CSMD1: variants seen among roughly 807,000 people sequenced by gnomAD.
CSMD1 encodes CUB and Sushi multiple domains 1, also known as CUB and sushi domain-containing protein 1.
In CSMD1, 213 loss-of-function variants were observed where a neutral mutation model predicts 417.5. The ratio of observed to expected loss-of-function variants is 0.51; its 90% CI spans 0.46 to 0.57. The LOEUF (loss-of-function observed/expected upper bound fraction) is 0.57. Ranked by LOEUF, CSMD1 falls within the 20% of genes least tolerant of loss-of-function variation. The pLI is 0.00. For missense variants in CSMD1, 6,923 were observed against 4,529.7 expected, an observed-to-expected ratio of 1.53 and a Z score of -15.17; for synonymous variants, 2,862 against 1,736.8, an observed-to-expected ratio of 1.65 and a Z score of -16.11.
At chr8:3,726,441 G>C (rs151182012) in intron 6 of CSMD1, among the ~76,000 whole-genome samples, 31 of 152,326 alleles carry the variant, frequency 2.0e-4, no homozygotes, top group African/African-American at 5.8e-4. Flanking sequence ...GACAAGGACA[G>C]GGGTCAGCAG....
intron 1 of CSMD1, among the ~76,000 whole-genome samples, chr8:4,826,665 G>C (rs1444000919): frequency 6.6e-6 from 1 of 152,086 alleles, no homozygotes; most frequent in Non-Finnish European, 1.5e-5. Context: ...CTCATGTGTA[G>C]CTTTCCTTCC....
At chr8:3,456,351 A>T (rs1485524852) in intron 12 of CSMD1, among the ~76,000 whole-genome samples, 4 of 150,632 alleles carry the variant, frequency 2.7e-5, no homozygotes, top group Admixed American at 6.6e-5. Context: ...GAGGTACCTC[A>T]GTTAGAAATG....
chr8:3,619,761 A>G (rs900232), intron 7 of CSMD1, among the ~76,000 whole-genome samples: 78,547 of 151,868 alleles, frequency 0.52, 20,181 homozygotes, highest in Middle Eastern at 0.62. Flanking sequence ...AGGTTTCTCC[A>G]TAGACATTTC....
chr8:3,856,354 C>G (rs1056993110), intron 5 of CSMD1, among the ~76,000 whole-genome samples: 4 of 152,140 alleles, frequency 2.6e-5, no homozygotes, highest in African/African-American at 9.7e-5. Flanking sequence ...TCCTGTACAG[C>G]CCGCAGAACC....
intron 11 of CSMD1, among the ~76,000 whole-genome samples, chr8:3,482,345 T>A (rs1273066259): frequency 6.6e-6 from 1 of 152,024 alleles, no homozygotes; most frequent in Non-Finnish European, 1.5e-5. Context: ...ACCATGTAAA[T>A]ATTAATAATA....
intron 41 of CSMD1, among the ~76,000 whole-genome samples, chr8:3,139,773 C>T (rs554931380): frequency 6.6e-6 from 1 of 152,124 alleles, no homozygotes; most frequent in African/African-American, 2.4e-5. Flanking sequence ...GGGAAAATTT[C>T]ATGGATAGTA....
At chr8:3,143,696 AGTATAAAAG>A (rs1818654853) in intron 40 of CSMD1, among the ~76,000 whole-genome samples, 1 of 152,234 alleles carries the variant, frequency 6.6e-6, no homozygotes, top group African/African-American at 2.4e-5. Flanking sequence ...GTGTTATTCC[AGTATAAAAG>A]AAAGCTTTAC....
Position 3,157,800 on chromosome 8 carries a change from A to G in CSMD1, c.5914+97T>C. ...GTATATAACACGTGTTTTGAAATTA[A>G]GAAATTTAGAAGTGCATTCTTTGAC... On this transcript the variant is annotated intron_variant, in intron 39 of 69. Transcript: ENST00000635120. 4 of 993,832 alleles carry G rather than the reference A, an allele frequency of 4.0e-6. No individual in the cohort carries two copies. In the South Asian group the frequency reaches 5.7e-5, roughly 14 times the overall value. 61.6% of individuals were successfully genotyped at this position (993,832 alleles called of 1,614,324 possible).
chr8:4,434,428 A>G (rs910026960), intron 2 of CSMD1, among the ~76,000 whole-genome samples: 1 of 152,054 alleles, frequency 6.6e-6, no homozygotes, highest in Non-Finnish European at 1.5e-5. Context: ...CACTTTTTGA[A>G]CTCAGCCCTT....
At chr8:3,240,628 G>C (rs113189886) in intron 26 of CSMD1, among the ~76,000 whole-genome samples, 1 of 152,016 alleles carries the variant, frequency 6.6e-6, no homozygotes, top group Non-Finnish European at 1.5e-5. Flanking sequence ...ATGGGTGTCA[G>C]GGTCAGTCCA....
intron 2 of CSMD1, among the ~76,000 whole-genome samples, chr8:4,438,941 C>G (rs1267331881): frequency 6.6e-6 from 1 of 152,138 alleles, no homozygotes; most frequent in Non-Finnish European, 1.5e-5. Context: ...TGTAGGATTC[C>G]GTAAATGAAT....
intron 3 of CSMD1, among the ~76,000 whole-genome samples, chr8:4,334,153 G>A (rs553040494): frequency 6.6e-6 from 1 of 152,066 alleles, no homozygotes; most frequent in East Asian, 1.9e-4. Flanking sequence ...GATATCCTCT[G>A]GCCTCAGCTT....
Position 2,987,932 on chromosome 8 carries a change from G to A in CSMD1, c.8378-9132C>T, listed in dbSNP as rs148238513. ...CTGCCATACATGTGCAGGATGTGCA[G>A]GTTTGTTCCATAGGTAAATGTGTAC... is the stretch of plus-strand genomic sequence containing the variant. On this transcript the variant is annotated intron_variant, in intron 54 of 69. Transcript: ENST00000635120. Among the ~76,000 whole-genome samples, 706 of 152,264 alleles carry A rather than the reference G, an allele frequency of 4.6e-3. 5 individuals are homozygous for A. The highest frequency in any genetic ancestry group is 0.016 in the African/African-American group (670 of 41,532).
At chr8:4,299,068 A>C (rs76887839) in intron 3 of CSMD1, among the ~76,000 whole-genome samples, 2,759 of 152,208 alleles carry the variant, frequency 0.018, 40 homozygotes, top group Non-Finnish European at 0.028. Context: ...TGTTAATCCT[A>C]TTTCTTACTT....
At chr8:3,677,755 C>A (rs183615664) in intron 7 of CSMD1, among the ~76,000 whole-genome samples, 2 of 152,100 alleles carry the variant, frequency 1.3e-5, no homozygotes, top group Admixed American at 1.3e-4. Context: ...CTTTGTAAAA[C>A]GGAAATGAAA....
intron 7 of CSMD1, among the ~76,000 whole-genome samples, chr8:3,622,638 T>G (rs1434558536): frequency 6.6e-6 from 1 of 152,190 alleles, no homozygotes; most frequent in South Asian, 2.1e-4. Context: ...TTGCAGATGG[T>G]AGAAGATAAC....
At chr8:3,153,703 G>A (rs1423621278) in intron 39 of CSMD1, among the ~76,000 whole-genome samples, 1 of 152,194 alleles carries the variant, frequency 6.6e-6, no homozygotes, top group African/African-American at 2.4e-5. Flanking sequence ...AGGAGGGGCT[G>A]GCCCAGGACC....
chr8:4,516,420 C>T (rs1803126965), intron 2 of CSMD1, among the ~76,000 whole-genome samples: 1 of 152,194 alleles, frequency 6.6e-6, no homozygotes, highest in Non-Finnish European at 1.5e-5. Flanking sequence ...CTGCTGGTGT[C>T]CATGGAAGGC....
chr8:4,423,283 G>C (rs1014374106), intron 2 of CSMD1, among the ~76,000 whole-genome samples: 2 of 152,056 alleles, frequency 1.3e-5, no homozygotes, highest in African/African-American at 4.8e-5. Context: ...ACTATTTGAA[G>C]TTGGCATGAT....
Sources: gnomAD v4.1 joint callset for allele counts (sites outside exome capture counted in the v4.1 genomes callset) on GRCh38, gnomAD v4.1.1 for gene constraint, MANE v1.5 for transcripts, NCBI Gene and HGNC (gene_info 2026-07-23, HGNC 2026-07-21) for gene names.